The following TM7SF3 variants were observed in gnomAD, a reference collection of about 807,000 sequenced individuals.
The protein encoded by TM7SF3 is transmembrane 7 superfamily member 3.
A neutral mutation model predicts 65.5 loss-of-function variants in TM7SF3; 60 were observed. The observed-to-expected ratio is 0.92, with a 90% confidence interval of 0.74 to 1.14. The LOEUF (loss-of-function observed/expected upper bound fraction) is 1.14, where lower values mean the gene tolerates loss of function less well. TM7SF3 is among the 50% of genes most tolerant of loss of function. The pLI, the probability that TM7SF3 is intolerant of heterozygous loss-of-function variation, is 0.00. For missense variants in TM7SF3, 623 were observed against 684.8 expected, an observed-to-expected ratio of 0.91 and a Z score of 1.01; for synonymous variants, 264 against 259.6, an observed-to-expected ratio of 1.02 and a Z score of -0.16.
In TM7SF3 at chr12:26,971,586, C is replaced by A. The variant is rs976741621; in HGVS notation, c.*2379G>T. On this transcript the variant is annotated 3_prime_UTR_variant, in exon 12 of 12. Coordinates refer to ENST00000343028, the MANE Select transcript of TM7SF3 (RefSeq NM_016551.3). Reference sequence around the variant, plus strand: ...TAATGAGGCTTTTTAGCATTTTTTTCAAAATAGGGATTTATTATAAAAACT... The same window carrying A: ...TAATGAGGCTTTTTAGCATTTTTTTAAAAATAGGGATTTATTATAAAAACT... 1.3e-5 allele frequency: 2 copies of A among 150,002 alleles called. No individual in the cohort carries two copies. The highest frequency in any genetic ancestry group is 2.4e-5 in the African/African-American group (1 of 40,832). 9.3% of individuals were successfully genotyped at this position (150,002 alleles called of 1,614,324 possible).
intron 6 of TM7SF3, among the ~76,000 whole-genome samples, chr12:26,985,805 C>CTTTTT (rs1491557564): frequency 1.5e-4 from 11 of 72,036 alleles, no homozygotes; most frequent in Non-Finnish European, 2.5e-4. Context: ...ATTTCTTTTT[C>CTTTTT]GTTTTTTTTT....
rs182596234 is a variant in TM7SF3, at chr12:26,975,562, C to T, written c.1384G>A (p.Val462Ile). ...TCCTTGTTGAGCGCTCTCTTGAGTA[C>T]GTTCAAAGTGATGTAGGAAAGGCTT... ...STSLSYITLNVLKRALNKDFH... is the reference protein window; with the variant it reads ...STSLSYITLNILKRALNKDFH... Residue 462 changes from valine (V) to isoleucine (I), a missense_variant, in exon 11 of 12, where the codon GTA (valine) becomes ATA (isoleucine). By Grantham distance (29) the Val-to-Ile change is conservative. Coordinates refer to ENST00000343028, the MANE Select transcript of TM7SF3 (RefSeq NM_016551.3). The T allele has an allele frequency of 3.8e-5, 62 of 1,614,100 alleles. No individual in the cohort carries two copies. In the Admixed American group the frequency reaches 9.2e-4, roughly 24 times the overall value.
intron 6 of TM7SF3, among the ~76,000 whole-genome samples, chr12:26,987,914 A>G (rs1940169272): frequency 6.6e-6 from 1 of 152,228 alleles, no homozygotes; most frequent in Non-Finnish European, 1.5e-5. Context: ...CCTGAGAAGG[A>G]CACATCACTT....
intron 1 of TM7SF3, among the ~76,000 whole-genome samples, chr12:27,012,328 G>A (rs1941275439): frequency 6.6e-6 from 1 of 152,044 alleles, no homozygotes; most frequent in Non-Finnish European, 1.5e-5. Flanking sequence ...ACACTATACA[G>A]AGTGAATGTT....
intron 1 of TM7SF3, among the ~76,000 whole-genome samples, chr12:27,008,823 A>T (rs948890556): frequency 2.0e-5 from 3 of 152,168 alleles, no homozygotes; most frequent in African/African-American, 7.2e-5. Flanking sequence ...TAATGTGTAC[A>T]CATGGGCCTA....
At position 26,974,003 on chromosome 12, in the gene TM7SF3, C is replaced by A; in HGVS notation, c.1675G>T (p.Glu559Ter). 6.2e-7 allele frequency: 1 copy of A among 1,614,210 alleles called. No homozygotes were observed. The change falls in exon 12 of 12, where the codon GAG (glutamate) becomes TAG (stop). Residue 559 changes from glutamate (E) to a stop codon, truncating the protein, a stop_gained. Coordinates refer to ENST00000343028, the MANE Select transcript of TM7SF3 (RefSeq NM_016551.3). LOFTEE classifies it high-confidence loss of function. ...LTQIKGLFQK[E>*]QPAGERTPLL... ...GGCGTTCTCTCTCCAGCTGGCTGCT[C>A]CTTCTGGAAGAGCCCTTTAATCTGG...
chr12:26,973,920 G>T lies in TM7SF3; in HGVS notation c.*45C>A, dbSNP rs1350256844. Reference sequence around the variant, plus strand: ...ACCAGAGACTGTTGAACCACTCCAGGCATGAACTCCAAAGCTGAGGCACAC... The same window carrying T: ...ACCAGAGACTGTTGAACCACTCCAGTCATGAACTCCAAAGCTGAGGCACAC... On this transcript the variant is annotated 3_prime_UTR_variant, in exon 12 of 12. Coordinates refer to ENST00000343028, the MANE Select transcript of TM7SF3 (RefSeq NM_016551.3). 1 of 1,598,448 alleles carries T rather than the reference G, an allele frequency of 6.3e-7. No individual in the cohort carries two copies. The highest frequency in any genetic ancestry group is 1.3e-5 in the African/African-American group (1 of 74,436).
At chr12:26,974,837 T>C (rs181077915) in intron 11 of TM7SF3, among the ~76,000 whole-genome samples, 1 of 152,338 alleles carries the variant, frequency 6.6e-6, no homozygotes, top group African/African-American at 2.4e-5. Flanking sequence ...AAGCTCTGGA[T>C]AGTAAAGGGA....
chr12:26,976,105 G>A lies in TM7SF3; in HGVS notation c.1287+155C>T, dbSNP rs149809460. Among the ~76,000 whole-genome samples the A allele has an allele frequency of 1.1e-3, 165 of 152,212 alleles. 1 individual carries two copies. The East Asian group carries it at 0.015, about 14-fold the overall frequency. On this transcript the variant is annotated intron_variant, in intron 10 of 11. Transcript: ENST00000343028. ...ATGTGGTAATCATAAATAGAACTTC[G>A]TTTTCACAGTAACAAGGCTATTTAG...
intron 6 of TM7SF3, among the ~76,000 whole-genome samples, chr12:26,986,235 C>A (rs943295427): frequency 6.6e-6 from 1 of 152,078 alleles, no homozygotes; most frequent in Non-Finnish European, 1.5e-5. Flanking sequence ...TAGCAAGAAT[C>A]CCCTATGCTT....
chr12:26,990,716 T>C, intron 5 of TM7SF3, 89 bp from the exon 6 acceptor site: 2 of 957,666 alleles, frequency 2.1e-6, no homozygotes, highest in South Asian at 1.7e-5. Context: ...TATTAAATGG[T>C]ATATTCATAA....
chr12:26,985,656 T>A (rs1450117817), intron 6 of TM7SF3, among the ~76,000 whole-genome samples: 27 of 54,826 alleles, frequency 4.9e-4, no homozygotes, highest in Non-Finnish European at 6.5e-4. Flanking sequence ...AAAAAAAATA[T>A]ATATATATAT....
chr12:26,976,524 A>T (rs1939573858), intron 9 of TM7SF3, among the ~76,000 whole-genome samples, 167 bp from the exon 10 acceptor site: 1 of 152,208 alleles, frequency 6.6e-6, no homozygotes, highest in Non-Finnish European at 1.5e-5. Context: ...CTGTCAATAC[A>T]ATCTTCTTTG....
At chr12:26,974,541 A>G (rs1037344376) in intron 11 of TM7SF3, among the ~76,000 whole-genome samples, 4 of 152,180 alleles carry the variant, frequency 2.6e-5, no homozygotes, top group South Asian at 4.1e-4. Context: ...GTGTTTTTTC[A>G]GAGGGGGTTC....
intron 1 of TM7SF3, among the ~76,000 whole-genome samples, chr12:27,007,485 T>C (rs754453620): frequency 6.6e-6 from 1 of 151,970 alleles, no homozygotes; most frequent in Non-Finnish European, 1.5e-5. Flanking sequence ...GAAATTATAA[T>C]ACAGTGATTA....
chr12:26,997,821 TC>T (rs1940660328), intron 3 of TM7SF3, among the ~76,000 whole-genome samples: 1 of 133,492 alleles, frequency 7.5e-6, no homozygotes, highest in African/African-American at 2.8e-5. Flanking sequence ...ACTTACCACT[TC>T]CTTTTTTTTT....
chr12:26,994,476 A>G (rs1437312284), intron 5 of TM7SF3, among the ~76,000 whole-genome samples: 2 of 152,154 alleles, frequency 1.3e-5, no homozygotes, highest in Non-Finnish European at 2.9e-5. Context: ...CCTCCCAAGT[A>G]GCTGGTATTA....
At chr12:26,995,119 G>T in intron 5 of TM7SF3, 118 bp downstream of exon 5, 1 of 1,005,468 alleles carries the variant, frequency 9.9e-7, no homozygotes, top group Non-Finnish European at 1.5e-6. Context: ...AGAATAAAGT[G>T]AGTGTCCCCC....
chr12:26,976,503 T>C, intron 9 of TM7SF3, 146 bp from the exon 10 acceptor site: 1 of 627,612 alleles, frequency 1.6e-6, no homozygotes. Flanking sequence ...ATTCTAATTT[T>C]CTTCATTTAA....
Sources: allele counts gnomAD v4.1 joint callset (sites outside exome capture counted in the v4.1 genomes callset), GRCh38; gene constraint gnomAD v4.1.1; transcripts MANE v1.5; gene names NCBI Gene and HGNC (gene_info 2026-07-23, HGNC 2026-07-21).